THSD7B: variants seen among roughly 807,000 people sequenced by gnomAD.
The protein encoded by THSD7B is thrombospondin type-1 domain-containing protein 7B.
THSD7B carries 138 observed loss-of-function variants against 213.6 expected under a neutral mutation model. The ratio of observed to expected loss-of-function variants is 0.65; its 90% confidence interval spans 0.56 to 0.74. The LOEUF (loss-of-function observed/expected upper bound fraction) is 0.74, where lower values mean the gene tolerates loss of function less well. Among genes scored for constraint, THSD7B ranks in the 30% least tolerant of loss-of-function variants. The pLI is 0.00. For missense variants in THSD7B, 1,931 were observed against 1,991.5 expected (o/e 0.97, Z 0.58); for synonymous variants, 742 against 687.0 (o/e 1.08, Z -1.25).
chr2:137,071,682 C>T (rs926924935), intron 3 of THSD7B, among the ~76,000 whole-genome samples: 1 of 152,018 alleles, frequency 6.6e-6, no homozygotes, highest in African/African-American at 2.4e-5. Context: ...TTGCCTATGT[C>T]CTGAATGATA....
At chr2:137,104,436 T>C (rs921971355) in intron 4 of THSD7B, among the ~76,000 whole-genome samples, 1 of 152,006 alleles carries the variant, frequency 6.6e-6, no homozygotes, top group South Asian at 2.1e-4. Flanking sequence ...GTAGGAAAGA[T>C]CTAAAACCGA....
chr2:137,596,751 T>C (rs2104818756), intron 17 of THSD7B, among the ~76,000 whole-genome samples: 1 of 151,516 alleles, frequency 6.6e-6, no homozygotes, highest in South Asian at 2.1e-4. Flanking sequence ...TTGCACCTCC[T>C]CCTTTCTTCT....
At chr2:137,097,619 G>A (rs1688062511) in intron 4 of THSD7B, among the ~76,000 whole-genome samples, 2 of 152,032 alleles carry the variant, frequency 1.3e-5, no homozygotes, top group South Asian at 4.1e-4. Context: ...AAGATAATGT[G>A]GAAAGAAATA....
At chr2:137,673,403 G>GA (rs1683621634) in intron 27 of THSD7B, among the ~76,000 whole-genome samples, 3 of 152,170 alleles carry the variant, frequency 2.0e-5, no homozygotes, top group African/African-American at 7.2e-5. Context: ...CTCAACAGGA[G>GA]AGAATAGAGT....
chr2:137,559,083 G>A (rs1467921639), intron 15 of THSD7B, among the ~76,000 whole-genome samples: 9 of 152,108 alleles, frequency 5.9e-5, no homozygotes, highest in African/African-American at 7.2e-5. Flanking sequence ...ACAAATGGAA[G>A]AACATTCCAA....
rs1285300543 is a variant in THSD7B, at chr2:137,393,883, G to T, written c.2501-11730G>T. Among the ~76,000 whole-genome samples, 4 of 140,730 alleles carry T rather than the reference G, an allele frequency of 2.8e-5. 1 individual carries two copies. Among genetic ancestry groups the T allele is most frequent in the Admixed American group, 7.0e-5 (1 of 14,306 alleles). The allele number at this position is 140,730 out of a possible 152,430, so 92.3% of individuals were successfully genotyped here. A position where few individuals can be genotyped will look rare whatever the true frequency, so the allele number is the denominator to read the frequency against. Reference sequence around the variant, plus strand: ...TGGTGTGAGATGGTATCTCATTGTGGTTTTGATTTGCATTTCTCTGATGGC... The same window carrying T: ...TGGTGTGAGATGGTATCTCATTGTGTTTTTGATTTGCATTTCTCTGATGGC... On this transcript the variant is annotated intron_variant, in intron 12 of 27. Transcript: ENST00000409968.
At chr2:137,106,015 T>C (rs1688241045) in intron 4 of THSD7B, among the ~76,000 whole-genome samples, 1 of 152,146 alleles carries the variant, frequency 6.6e-6, no homozygotes. Context: ...AAGGTACCAT[T>C]GACTTTCTTC....
intron 15 of THSD7B, among the ~76,000 whole-genome samples, chr2:137,538,681 CT>C (rs1680552846): frequency 6.6e-6 from 1 of 151,590 alleles, no homozygotes; most frequent in Admixed American, 6.6e-5. Context: ...GAATGAATTC[CT>C]TTATTTCAGT....
intron 3 of THSD7B, among the ~76,000 whole-genome samples, chr2:137,074,447 C>A (rs1687572135): frequency 6.6e-6 from 1 of 152,132 alleles, no homozygotes; most frequent in Admixed American, 6.5e-5. Flanking sequence ...GGTAGATCTT[C>A]CTCCATCCCT....
chr2:137,136,064 AC>A (rs1679450852), intron 5 of THSD7B, among the ~76,000 whole-genome samples: 1 of 152,276 alleles, frequency 6.6e-6, no homozygotes, highest in South Asian at 2.1e-4. Context: ...AGGAAATTAA[AC>A]ACCACATGTT....
intron 1 of THSD7B, among the ~76,000 whole-genome samples, chr2:136,768,778 G>A (rs1464275170): frequency 6.6e-6 from 1 of 152,150 alleles, no homozygotes; most frequent in Non-Finnish European, 1.5e-5. Context: ...TTGCACATAA[G>A]TGCTTCATAT....
intron 12 of THSD7B, among the ~76,000 whole-genome samples, chr2:137,398,132 G>A (rs1181304220): frequency 6.8e-6 from 1 of 147,930 alleles, no homozygotes; most frequent in Admixed American, 6.8e-5. Context: ...GTAGCTCAGA[G>A]TAATTTGATC....
intron 7 of THSD7B, among the ~76,000 whole-genome samples, chr2:137,178,112 T>A: frequency 6.7e-6 from 1 of 150,280 alleles, no homozygotes; most frequent in Middle Eastern, 3.5e-3. Flanking sequence ...TTGGTCCTAA[T>A]CTTGTTTCTT....
intron 3 of THSD7B, among the ~76,000 whole-genome samples, chr2:137,072,704 A>T (rs1687522430): frequency 6.6e-6 from 1 of 152,108 alleles, no homozygotes; most frequent in Non-Finnish European, 1.5e-5. Context: ...GAATGCTTCC[A>T]GTTTTTGCCC....
intron 12 of THSD7B, among the ~76,000 whole-genome samples, chr2:137,319,689 G>A (rs1047408818): frequency 6.6e-6 from 1 of 152,090 alleles, no homozygotes; most frequent in Non-Finnish European, 1.5e-5. Context: ...AGACACTGTG[G>A]GTGGAGGTTT....
chr2:137,070,049 G>C (rs1350735340), intron 3 of THSD7B, among the ~76,000 whole-genome samples: 1 of 151,522 alleles, frequency 6.6e-6, no homozygotes, highest in Non-Finnish European at 1.5e-5. Flanking sequence ...ACATTAACAT[G>C]TTTCTAAAAA....
At chr2:136,769,110 G>T (rs540330288) in intron 1 of THSD7B, among the ~76,000 whole-genome samples, 2 of 152,158 alleles carry the variant, frequency 1.3e-5, no homozygotes, top group Non-Finnish European at 2.9e-5. Context: ...TTATTTTGTG[G>T]ACGTTTTAGT....
intron 2 of THSD7B, among the ~76,000 whole-genome samples, chr2:136,924,438 T>C (rs1684488549): frequency 6.6e-6 from 1 of 152,234 alleles, no homozygotes; most frequent in Admixed American, 6.5e-5. Context: ...CAGACCTATT[T>C]GTTGAAGGGA....
intron 12 of THSD7B, among the ~76,000 whole-genome samples, chr2:137,338,976 C>T (rs759230677): frequency 6.6e-6 from 1 of 152,036 alleles, no homozygotes; most frequent in African/African-American, 2.4e-5. Flanking sequence ...CTTGTATGTA[C>T]TCATAAGGTG....
Sources: allele counts gnomAD v4.1 joint callset (sites outside exome capture counted in the v4.1 genomes callset), GRCh38; gene constraint gnomAD v4.1.1; transcripts MANE v1.5; gene names NCBI Gene and HGNC (gene_info 2026-07-23, HGNC 2026-07-21).